The following CMSS1 variants were observed in gnomAD, a reference collection of about 807,000 sequenced individuals.
CMSS1 encodes cms1 ribosomal small subunit homolog.
Under a neutral mutation model 43.5 loss-of-function variants are expected in CMSS1, and 33 were observed. The ratio of observed to expected loss-of-function variants is 0.76; its 90% CI spans 0.57 to 1.01. The LOEUF is 1.01. Ranked by LOEUF, CMSS1 falls within the 50% of genes least tolerant of loss-of-function variation. The pLI is 0.00. For synonymous variants in CMSS1, 115 were observed against 117.2 expected (o/e 0.98, Z 0.12); for missense variants, 313 against 326.4 (o/e 0.96, Z 0.32).
chr3:100,175,301 C>T (rs549032804), intron 8 of CMSS1, among the ~76,000 whole-genome samples: 1 of 152,292 alleles, frequency 6.6e-6, no homozygotes, highest in African/African-American at 2.4e-5. Context: ...CACCGTGGCT[C>T]ATGCCTATAA....
intron 1 of CMSS1, chr3:99,848,658 A>G: frequency 6.2e-7 from 1 of 1,614,216 alleles, no homozygotes; most frequent in Non-Finnish European, 8.5e-7. Flanking sequence ...AACCAGTCAC[A>G]GCCAAAACCT....
intron 1 of CMSS1, chr3:100,025,613 T>C (rs1182094993): frequency 6.6e-6 from 1 of 152,210 alleles, no homozygotes; most frequent in African/African-American, 2.4e-5. Flanking sequence ...AGCTTCCTGG[T>C]AGACAAAGTG....
chr3:99,848,953 G>A, intron 1 of CMSS1: 2 of 1,614,142 alleles, frequency 1.2e-6, no homozygotes, highest in Non-Finnish European at 1.7e-6. Context: ...TACATGGTCT[G>A]GAGTAACCTT....
At chr3:99,821,428 C>A (rs1434996331) in intron 1 of CMSS1, among the ~76,000 whole-genome samples, 1 of 152,242 alleles carries the variant, frequency 6.6e-6, no homozygotes, top group Admixed American at 6.5e-5. Context: ...GAGTCATGGC[C>A]CAACATAAGA....
intron 1 of CMSS1, among the ~76,000 whole-genome samples, chr3:99,865,726 C>A (rs894022078): frequency 6.6e-6 from 1 of 151,856 alleles, no homozygotes; most frequent in African/African-American, 2.4e-5. Context: ...GCAGCCATTT[C>A]TCTGACAGAC....
chr3:99,852,211 A>T (rs971082874), intron 1 of CMSS1, among the ~76,000 whole-genome samples: 2 of 152,242 alleles, frequency 1.3e-5, no homozygotes. Context: ...ACAGCTTTGC[A>T]GTACTGTTAT....
chr3:100,144,441 T>C (rs925711546), intron 1 of CMSS1, among the ~76,000 whole-genome samples: 1 of 151,886 alleles, frequency 6.6e-6, no homozygotes, highest in Non-Finnish European at 1.5e-5. Flanking sequence ...GATACTGCAG[T>C]GGTGGTGGTG....
intron 1 of CMSS1, among the ~76,000 whole-genome samples, chr3:99,884,179 G>A (rs943467795): frequency 6.6e-6 from 1 of 152,152 alleles, no homozygotes; most frequent in Non-Finnish European, 1.5e-5. Flanking sequence ...GCTCAAGCCA[G>A]AATGGAGTGC....
chr3:100,098,711 A>C (rs112612971), intron 1 of CMSS1, among the ~76,000 whole-genome samples: 229 of 152,336 alleles, frequency 1.5e-3, no homozygotes, highest in African/African-American at 5.1e-3. Flanking sequence ...CTTCTGAAGA[A>C]TGTTGAATGT....
intron 1 of CMSS1, among the ~76,000 whole-genome samples, chr3:99,988,075 T>A (rs1301788050): frequency 3.3e-5 from 5 of 152,192 alleles, no homozygotes; most frequent in Non-Finnish European, 5.9e-5. Context: ...TGTCAATACA[T>A]ACTTCTTAAG....
At position 100,181,517 on chromosome 3, in the gene CMSS1, C is replaced by CCAGGA. The variant is rs2067184452; in HGVS notation, c.*3130_*3134dup. The CCAGGA allele has an allele frequency of 6.6e-6, 1 of 152,154 alleles. No homozygotes were observed. Among genetic ancestry groups the CCAGGA allele is most frequent in the Non-Finnish European group, 1.5e-5 (1 of 68,026 alleles). The allele number at this position is 152,154 out of a possible 1,614,324, so 9.4% of individuals were successfully genotyped here. ...TTTCCACTAATGTCCTTGTTCTATTCCAGGATTCACTGCAGGATCCCACAT... is the reference window on the plus strand; with the variant it reads ...TTTCCACTAATGTCCTTGTTCTATTCCAGGACAGGATTCACTGCAGGATCCCACAT... On this transcript the variant is annotated 3_prime_UTR_variant, in exon 10 of 10. Coordinates refer to ENST00000421999, the MANE Select transcript of CMSS1 (RefSeq NM_032359.4).
chr3:99,971,992 A>T (rs184607449), intron 1 of CMSS1, among the ~76,000 whole-genome samples: 1 of 152,244 alleles, frequency 6.6e-6, no homozygotes, highest in East Asian at 1.9e-4. Context: ...GCACACTGAC[A>T]TGGAGTATAG....
chr3:99,876,975 A>G (rs1330457106), intron 1 of CMSS1, among the ~76,000 whole-genome samples: 1 of 152,204 alleles, frequency 6.6e-6, no homozygotes, highest in African/African-American at 2.4e-5. Context: ...ACCGGCAAAC[A>G]AAATAAAGCC....
In CMSS1 at chr3:99,848,222, G is replaced by T. The variant is rs1441105702; in HGVS notation, c.64+30179G>T. Reference sequence around the variant, plus strand: ...GGATATGGAGGGATGATTAAAAAAGGATTGAGTTCCTTGCAAAAATATCAG... The same window carrying T: ...GGATATGGAGGGATGATTAAAAAAGTATTGAGTTCCTTGCAAAAATATCAG... On this transcript the variant is annotated intron_variant, in intron 1 of 9. Transcript: ENST00000421999. The T allele has an allele frequency of 9.5e-6, 15 of 1,579,168 alleles. No individual in the cohort carries two copies. The East Asian group carries it at 3.4e-4, about 35-fold the overall frequency.
At chr3:100,062,884 A>G (rs1011026075) in intron 1 of CMSS1, among the ~76,000 whole-genome samples, 3 of 152,190 alleles carry the variant, frequency 2.0e-5, no homozygotes, top group African/African-American at 7.2e-5. Context: ...AGTGGACATC[A>G]TGAGACCTGG....
Position 99,980,613 on chromosome 3 carries a change from G to T in CMSS1, c.64+162570G>T, listed in dbSNP as rs542693440. ...AATTACTGGCTTTCAGCAGTTTTTA[G>T]ATTTCAGAATTGTGAATAAGGAATT... On this transcript the variant is annotated intron_variant, in intron 1 of 9. Transcript: ENST00000421999. 2.6e-5 allele frequency among the ~76,000 whole-genome samples: 4 copies of T among 152,266 alleles called. No homozygotes were observed. In the South Asian group the frequency reaches 8.3e-4, roughly 32 times the overall value.
At chr3:100,110,914 T>A (rs2107476563) in intron 1 of CMSS1, among the ~76,000 whole-genome samples, 1 of 152,266 alleles carries the variant, frequency 6.6e-6, no homozygotes, top group South Asian at 2.1e-4. Context: ...CAGTGTAAAA[T>A]TCCATTTGTA....
At chr3:99,837,744 T>G (rs1333092521) in intron 1 of CMSS1, among the ~76,000 whole-genome samples, 2 of 152,260 alleles carry the variant, frequency 1.3e-5, no homozygotes, top group Admixed American at 1.3e-4. Flanking sequence ...GCCAGTCTTA[T>G]TAAGTTACAG....
intron 1 of CMSS1, among the ~76,000 whole-genome samples, chr3:99,948,814 A>C (rs1708093144): frequency 6.6e-6 from 1 of 152,212 alleles, no homozygotes; most frequent in African/African-American, 2.4e-5. Flanking sequence ...AGAGAGCCTC[A>C]GAATCATAAG....
Sources: gnomAD v4.1 joint callset for allele counts (sites outside exome capture counted in the v4.1 genomes callset) on GRCh38, gnomAD v4.1.1 for gene constraint, MANE v1.5 for transcripts, NCBI Gene and HGNC (gene_info 2026-07-23, HGNC 2026-07-21) for gene names.